Variants in PPP1R9A observed in about 807,000 individuals in gnomAD.
PPP1R9A encodes the protein protein phosphatase 1 regulatory subunit 9A, also known as neurabin-1.
A neutral mutation model predicts 141.9 loss-of-function variants in PPP1R9A; 59 were observed. The ratio of observed to expected loss-of-function variants is 0.42; its 90% CI spans 0.34 to 0.52. The LOEUF (loss-of-function observed/expected upper bound fraction) is 0.52. Among genes scored for constraint, PPP1R9A ranks in the 20% least tolerant of loss-of-function variants. The probability of loss-of-function intolerance (pLI) is 0.10; values close to 1 mark genes in which losing one functional copy is unlikely to be tolerated. For missense variants in PPP1R9A, 1,444 were observed against 1,611.9 expected (o/e 0.90, Z 1.78); for synonymous variants, 500 against 569.7 (o/e 0.88, Z 1.74).
At chr7:95,043,628 C>T (rs889427809) in intron 2 of PPP1R9A, among the ~76,000 whole-genome samples, 15 of 152,174 alleles carry the variant, frequency 9.9e-5, no homozygotes, top group Non-Finnish European at 2.2e-4. Context: ...TGCATCTTTG[C>T]GGACAGCCCC....
At chr7:95,030,725 C>T (rs145038699) in intron 2 of PPP1R9A, among the ~76,000 whole-genome samples, 61 of 152,186 alleles carry the variant, frequency 4.0e-4, no homozygotes, top group African/African-American at 1.4e-3. Flanking sequence ...GTAATTTGAT[C>T]GACTCAACCA....
chr7:94,918,181 A>T (rs1792327933), intron 2 of PPP1R9A, among the ~76,000 whole-genome samples: 1 of 152,126 alleles, frequency 6.6e-6, no homozygotes, highest in Non-Finnish European at 1.5e-5. Flanking sequence ...GTTATGCTTT[A>T]TAGTTTTTCT....
intron 2 of PPP1R9A, among the ~76,000 whole-genome samples, chr7:94,942,451 G>A (rs10244377): frequency 0.11 from 17,117 of 152,134 alleles, 1,607 homozygotes; most frequent in East Asian, 0.27. Context: ...GTTTGCTTTT[G>A]TAAATAAAGG....
chr7:94,937,851 C>T (rs145043982), intron 2 of PPP1R9A, among the ~76,000 whole-genome samples: 7 of 152,050 alleles, frequency 4.6e-5, no homozygotes, highest in African/African-American at 1.7e-4. Flanking sequence ...AGATAGTATT[C>T]TATATTAAGA....
intron 8 of PPP1R9A, among the ~76,000 whole-genome samples, chr7:95,237,037 G>A (rs1485720044): frequency 1.3e-5 from 2 of 151,390 alleles, no homozygotes; most frequent in Non-Finnish European, 2.9e-5. Context: ...AATAGCTATT[G>A]TGTAGAATTT....
intron 12 of PPP1R9A, among the ~76,000 whole-genome samples, chr7:95,254,839 A>G (rs945337075): frequency 3.3e-5 from 5 of 152,176 alleles, no homozygotes; most frequent in African/African-American, 4.8e-5. Flanking sequence ...CTTTTTCCAA[A>G]CCATACAGAA....
At chr7:95,175,623 C>A (rs994934765) in intron 5 of PPP1R9A, among the ~76,000 whole-genome samples, 1 of 151,590 alleles carries the variant, frequency 6.6e-6, no homozygotes, top group Non-Finnish European at 1.5e-5. Context: ...AGCAATTTGG[C>A]AAAATTTGAT....
chr7:95,210,485 A>T (rs1791858195), intron 7 of PPP1R9A, among the ~76,000 whole-genome samples: 1 of 150,374 alleles, frequency 6.7e-6, no homozygotes. Context: ...TTTTTTTTTG[A>T]GACAGAGTCT....
chr7:95,207,942 G>A (rs1288737182), intron 7 of PPP1R9A, among the ~76,000 whole-genome samples: 1 of 152,096 alleles, frequency 6.6e-6, no homozygotes, highest in Non-Finnish European at 1.5e-5. Flanking sequence ...ACCAAAGAAA[G>A]TGTATAAAAT....
chr7:94,966,614 C>T (rs763860197), intron 2 of PPP1R9A, among the ~76,000 whole-genome samples: 14 of 152,106 alleles, frequency 9.2e-5, no homozygotes, highest in African/African-American at 2.2e-4. Flanking sequence ...TGATGGATTA[C>T]GTTTATTAAT....
chr7:95,182,902 A>C (rs953533836), intron 5 of PPP1R9A, among the ~76,000 whole-genome samples: 1 of 152,210 alleles, frequency 6.6e-6, no homozygotes, highest in Non-Finnish European at 1.5e-5. Flanking sequence ...TATACAGATT[A>C]ACATTTTGCA....
chr7:95,112,066 A>G (rs537554558), intron 3 of PPP1R9A, among the ~76,000 whole-genome samples: 84 of 152,216 alleles, frequency 5.5e-4, no homozygotes, highest in African/African-American at 2.0e-3. Flanking sequence ...GAACAAACAG[A>G]TGATGACTTG....
intron 2 of PPP1R9A, among the ~76,000 whole-genome samples, chr7:95,027,880 T>C (rs1250989830): frequency 6.6e-6 from 1 of 152,178 alleles, no homozygotes; most frequent in African/African-American, 2.4e-5. Context: ...TTGTGGTCTA[T>C]TGTCAGCCAA....
rs1806889743 is a variant in PPP1R9A at position 95,294,908 on chromosome 7, C to A, written c.*4605C>A. The A allele has an allele frequency of 1.3e-5, 2 of 152,204 alleles. No individual in the cohort carries two copies. Among genetic ancestry groups the A allele is most frequent in the Non-Finnish European group, 2.9e-5 (2 of 68,038 alleles). The allele number at this position is 152,204 out of a possible 1,614,324, so 9.4% of individuals were successfully genotyped here. A position where few individuals can be genotyped will look rare whatever the true frequency, so the allele number is the denominator to read the frequency against. On this transcript the variant is annotated 3_prime_UTR_variant, in exon 20 of 20. Transcript: ENST00000433360. ...TGTAAGCGTGTGGACCCAGCACAGTCTGTGACCTGATTCCAGATCCTCAAG... is the reference window on the plus strand; with the variant it reads ...TGTAAGCGTGTGGACCCAGCACAGTATGTGACCTGATTCCAGATCCTCAAG...
At chr7:94,923,968 TA>T (rs1793148677) in intron 2 of PPP1R9A, among the ~76,000 whole-genome samples, 1 of 152,210 alleles carries the variant, frequency 6.6e-6, no homozygotes, top group Non-Finnish European at 1.5e-5. Flanking sequence ...CACTTTTTGT[TA>T]AGTATTCTTA....
At chr7:95,183,660 G>A (rs898040634) in intron 5 of PPP1R9A, among the ~76,000 whole-genome samples, 3 of 151,398 alleles carry the variant, frequency 2.0e-5, no homozygotes, top group African/African-American at 7.3e-5. Flanking sequence ...TGTTGGCCAG[G>A]ATGGTCTCGA....
intron 2 of PPP1R9A, among the ~76,000 whole-genome samples, chr7:94,998,589 G>A (rs1335751680): frequency 2.6e-5 from 4 of 152,026 alleles, no homozygotes; most frequent in South Asian, 2.1e-4. Flanking sequence ...TTTGTATGGC[G>A]CATTGAGTCC....
chr7:95,151,687 C>T (rs1343248433), intron 4 of PPP1R9A, among the ~76,000 whole-genome samples: 1 of 149,698 alleles, frequency 6.7e-6, no homozygotes. Context: ...GAACCACTAT[C>T]ATGTAAGATG....
chr7:94,931,795 C>T (rs947190787), intron 2 of PPP1R9A, among the ~76,000 whole-genome samples: 1 of 152,148 alleles, frequency 6.6e-6, no homozygotes, highest in African/African-American at 2.4e-5. Context: ...TCAGGCTGGT[C>T]TCGAACTGCC....
Sources: gnomAD v4.1 joint callset for allele counts (sites outside exome capture counted in the v4.1 genomes callset) on GRCh38, gnomAD v4.1.1 for gene constraint, MANE v1.5 for transcripts, NCBI Gene and HGNC (gene_info 2026-07-23, HGNC 2026-07-21) for gene names.